Variants in RAB3C observed in about 807,000 individuals in gnomAD.
RAB3C encodes RAB3C, member RAS oncogene family.
RAB3C carries 17 observed loss-of-function variants against 26.4 expected under a neutral mutation model. The observed-to-expected ratio is 0.64, with a 90% CI of 0.44 to 0.97. RAB3C has a LOEUF of 0.97. RAB3C is among the 50% of genes least tolerant of loss of function. The probability of loss-of-function intolerance (pLI) is 0.00; values close to 1 mark genes in which losing one functional copy is unlikely to be tolerated. For missense variants in RAB3C, 242 were observed against 281.9 expected (o/e 0.86, Z 1.01); for synonymous variants, 91 against 95.9 (o/e 0.95, Z 0.30).
At chr5:58,586,560 G>C (rs899760311) in intron 1 of RAB3C, among the ~76,000 whole-genome samples, 1 of 152,158 alleles carries the variant, frequency 6.6e-6, no homozygotes, top group East Asian at 1.9e-4. Flanking sequence ...ATAATTTCTG[G>C]CAGGGTCACG....
chr5:58,773,356 G>A lies in RAB3C; in HGVS notation c.371+47236G>A, dbSNP rs1369956758. Among the ~76,000 whole-genome samples, 3 of 152,064 alleles carry A rather than the reference G, an allele frequency of 2.0e-5. No individual in the cohort carries two copies. The East Asian group carries it at 5.8e-4, about 29-fold the overall frequency. On this transcript the variant is annotated intron_variant, in intron 3 of 4. Coordinates refer to ENST00000282878, the MANE Select transcript of RAB3C (RefSeq NM_138453.4). Reference sequence around the variant, plus strand: ...CATGTTTCTGAGAACCCAAATAAGGGACTGTCCTAAATGAACTTGGAATAG... The same window carrying A: ...CATGTTTCTGAGAACCCAAATAAGGAACTGTCCTAAATGAACTTGGAATAG...
intron 1 of RAB3C, among the ~76,000 whole-genome samples, chr5:58,610,133 C>A (rs1256551952): frequency 6.6e-6 from 1 of 150,726 alleles, no homozygotes; most frequent in Admixed American, 6.6e-5. Context: ...TGTTTTCTTT[C>A]TTGGCTTTAA....
intron 2 of RAB3C, among the ~76,000 whole-genome samples, chr5:58,652,579 A>G (rs1460405127): frequency 6.6e-6 from 1 of 152,154 alleles, no homozygotes; most frequent in Admixed American, 6.5e-5. Flanking sequence ...CCACCAGGGT[A>G]TAACAGGAGA....
chr5:58,788,604 G>A (rs561462861), intron 3 of RAB3C, among the ~76,000 whole-genome samples: 1 of 152,250 alleles, frequency 6.6e-6, no homozygotes, highest in South Asian at 2.1e-4. Context: ...GAAAGCTTTA[G>A]GCACACTTCT....
At chr5:58,683,784 C>T (rs999431271) in intron 2 of RAB3C, among the ~76,000 whole-genome samples, 1 of 152,158 alleles carries the variant, frequency 6.6e-6, no homozygotes, top group Non-Finnish European at 1.5e-5. Flanking sequence ...CATACACTAC[C>T]CTCCTGTTAG....
intron 2 of RAB3C, among the ~76,000 whole-genome samples, chr5:58,619,877 C>G (rs1423608068): frequency 1.3e-5 from 2 of 148,744 alleles, no homozygotes; most frequent in African/African-American, 4.9e-5. Context: ...TTTTTTTTGG[C>G]ATTGAAATAA....
At chr5:58,665,859 T>A (rs1467479388) in intron 2 of RAB3C, among the ~76,000 whole-genome samples, 2 of 152,154 alleles carry the variant, frequency 1.3e-5, no homozygotes, top group African/African-American at 4.8e-5. Flanking sequence ...GGAATAGGGA[T>A]CTTTGATAAG....
intron 3 of RAB3C, among the ~76,000 whole-genome samples, chr5:58,813,557 ATTG>A (rs1743132731): frequency 7.1e-6 from 1 of 140,966 alleles, no homozygotes; most frequent in African/African-American, 2.5e-5. Context: ...TAGCCATTGT[ATTG>A]TTAAGTTGTT....
Position 58,632,209 on chromosome 5 carries a change from G to A in RAB3C, c.252+14339G>A, listed in dbSNP as rs193100389. Among the ~76,000 whole-genome samples, 86 of 152,328 alleles carry A rather than the reference G, an allele frequency of 5.6e-4. 1 individual carries two copies. Among genetic ancestry groups the A allele is most frequent in the African/African-American group, 2.0e-3 (83 of 41,592 alleles). On this transcript the variant is annotated intron_variant, in intron 2 of 4. Transcript: ENST00000282878. ...TAGAAACTAGAAGCCTGGGTGAACA[G>A]TTTTTTACGCTGGGGTTTATCAGAA...
intron 2 of RAB3C, among the ~76,000 whole-genome samples, chr5:58,665,133 A>T (rs527518681): frequency 8.0e-4 from 122 of 152,318 alleles, no homozygotes; most frequent in African/African-American, 2.8e-3. Context: ...AACAGCACAC[A>T]TATTTCTGTA....
chr5:58,632,708 A>G (rs1747210225), intron 2 of RAB3C, among the ~76,000 whole-genome samples: 1 of 152,180 alleles, frequency 6.6e-6, no homozygotes, highest in South Asian at 2.1e-4. Flanking sequence ...AATAGCATCA[A>G]AGCTTAAGAG....
At chr5:58,723,505 C>T (rs1278767159) in intron 2 of RAB3C, among the ~76,000 whole-genome samples, 1 of 151,814 alleles carries the variant, frequency 6.6e-6, no homozygotes, top group East Asian at 1.9e-4. Flanking sequence ...GATCACTCTT[C>T]TCTAAACTTT....
intron 3 of RAB3C, among the ~76,000 whole-genome samples, chr5:58,733,203 C>T (rs1429790343): frequency 6.6e-6 from 1 of 152,190 alleles, no homozygotes; most frequent in Admixed American, 6.5e-5. Flanking sequence ...CACTTAATGG[C>T]TGCTCAATAT....
chr5:58,765,397 TTTCTC>T (rs1215639352), intron 3 of RAB3C, among the ~76,000 whole-genome samples: 2 of 152,190 alleles, frequency 1.3e-5, no homozygotes. Flanking sequence ...TTATCTTTCT[TTTCTC>T]TATTTAATTC....
intron 3 of RAB3C, among the ~76,000 whole-genome samples, chr5:58,797,813 G>T (rs1304489574): frequency 6.6e-6 from 1 of 152,104 alleles, no homozygotes; most frequent in Non-Finnish European, 1.5e-5. Flanking sequence ...CCCCATTATG[G>T]TTTCTCCCAT....
rs199734296 is a variant in RAB3C, at chr5:58,691,235, A to G, written c.253-34767A>G. Among the ~76,000 whole-genome samples, 31 of 152,258 alleles carry G rather than the reference A, an allele frequency of 2.0e-4. No individual in the cohort carries two copies. In the East Asian group the frequency reaches 5.8e-3, roughly 28 times the overall value. On this transcript the variant is annotated intron_variant, in intron 2 of 4. Transcript: ENST00000282878. Reference sequence around the variant, plus strand: ...AGATTCCCACACCCACTCTTGTCTTACTGAATCTAGTCTTTAGGCTGTGGG... The same window carrying G: ...AGATTCCCACACCCACTCTTGTCTTGCTGAATCTAGTCTTTAGGCTGTGGG...
intron 2 of RAB3C, among the ~76,000 whole-genome samples, chr5:58,711,574 A>G (rs1483712938): frequency 2.0e-5 from 3 of 152,192 alleles, no homozygotes; most frequent in Non-Finnish European, 4.4e-5. Context: ...CTGAATAAAA[A>G]AGCAGAGGGA....
At chr5:58,659,746 CA>C (rs1747860112) in intron 2 of RAB3C, among the ~76,000 whole-genome samples, 1 of 152,164 alleles carries the variant, frequency 6.6e-6, no homozygotes, top group Non-Finnish European at 1.5e-5. Context: ...TTTTCTCAAG[CA>C]GCTGAAAAAT....
chr5:58,801,233 G>T (rs1742802051), intron 3 of RAB3C, among the ~76,000 whole-genome samples: 1 of 152,216 alleles, frequency 6.6e-6, no homozygotes, highest in African/African-American at 2.4e-5. Flanking sequence ...AGGACCAGAA[G>T]TCTCAAGCAG....
Sources: gnomAD v4.1 joint callset for allele counts (sites outside exome capture counted in the v4.1 genomes callset) on GRCh38, gnomAD v4.1.1 for gene constraint, MANE v1.5 for transcripts, NCBI Gene and HGNC (gene_info 2026-07-23, HGNC 2026-07-21) for gene names.